The following MTHFD2L variants were observed in gnomAD, a reference collection of about 807,000 sequenced individuals.
MTHFD2L encodes the protein bifunctional methylenetetrahydrofolate dehydrogenase/cyclohydrolase 2, mitochondrial.
Under a neutral mutation model 34.9 loss-of-function variants are expected in MTHFD2L, and 29 were observed. The observed-to-expected ratio is 0.83, with a 90% CI of 0.62 to 1.13. The LOEUF is 1.13. MTHFD2L is among the 50% of genes most tolerant of loss of function. The pLI is 0.00. For missense variants in MTHFD2L, 481 were observed against 446.5 expected, an observed-to-expected ratio of 1.08 and a Z score of -0.70; for synonymous variants, 167 against 155.7, an observed-to-expected ratio of 1.07 and a Z score of -0.54.
chr4:74,143,165 C>T (rs747920758), intron 1 of MTHFD2L, among the ~76,000 whole-genome samples: 3 of 152,068 alleles, frequency 2.0e-5, no homozygotes, highest in Non-Finnish European at 2.9e-5. Context: ...AAACAAGCAT[C>T]AACAGGGGGT....
At chr4:74,206,519 G>A (rs1279395277) in intron 5 of MTHFD2L, among the ~76,000 whole-genome samples, 2 of 152,158 alleles carry the variant, frequency 1.3e-5, no homozygotes, top group African/African-American at 4.8e-5. Context: ...GTGAGAAAGG[G>A]AGAGATGTGG....
At chr4:74,121,904 G>A (rs1243153040), upstream of MTHFD2L, among the ~76,000 whole-genome samples, 1 of 152,026 alleles carries the variant, frequency 6.6e-6, no homozygotes, top group East Asian at 1.9e-4. Context: ...GACACAATGA[G>A]AAGGCAACTA....
chr4:74,149,608 C>T (rs73827550), intron 1 of MTHFD2L, among the ~76,000 whole-genome samples: 3,632 of 152,104 alleles, frequency 0.024, 135 homozygotes, highest in African/African-American at 0.081. Flanking sequence ...TAAATCAAAA[C>T]GATTAAACTA....
chr4:74,174,430 G>C, intron 1 of MTHFD2L, 76 bp from the exon 2 acceptor site: 1 of 1,154,592 alleles, frequency 8.7e-7, no homozygotes, highest in Non-Finnish European at 1.1e-6. Flanking sequence ...TGGTTTTATT[G>C]AGTTTTGTAC....
intron 6 of MTHFD2L, among the ~76,000 whole-genome samples, chr4:74,253,693 C>G (rs1305184453): frequency 2.0e-5 from 3 of 152,158 alleles, no homozygotes; most frequent in Admixed American, 6.5e-5. Context: ...GACCATAACC[C>G]AGGCTTGCTC....
chr4:74,241,504 C>T, intron 6 of MTHFD2L: 1 of 336,792 alleles, frequency 3.0e-6, no homozygotes, highest in Non-Finnish European at 6.0e-6. Context: ...AGTGATCCTC[C>T]CACCTCAGCC....
At chr4:74,132,530 T>C (rs1722606411) in intron 1 of MTHFD2L, among the ~76,000 whole-genome samples, 1 of 151,314 alleles carries the variant, frequency 6.6e-6, no homozygotes, top group African/African-American at 2.4e-5. Context: ...TAAGTGGGAG[T>C]TGAACAATGA....
intron 1 of MTHFD2L, chr4:74,161,705 A>G (rs1289729087): frequency 6.6e-6 from 1 of 152,214 alleles, no homozygotes; most frequent in Non-Finnish European, 1.5e-5. Context: ...GGTCTTACTA[A>G]TAATTTGGCA....
At chr4:74,300,425 A>C (rs898778726) in intron 7 of MTHFD2L, among the ~76,000 whole-genome samples, 1 of 152,058 alleles carries the variant, frequency 6.6e-6, no homozygotes, top group African/African-American at 2.4e-5. Context: ...TTGTGCAAAA[A>C]TAATACTAAA....
At chr4:74,260,195 A>G (rs762644849) in intron 6 of MTHFD2L, among the ~76,000 whole-genome samples, 3 of 152,236 alleles carry the variant, frequency 2.0e-5, no homozygotes, top group East Asian at 1.9e-4. Flanking sequence ...GGGCCACTCT[A>G]TGTCTGTTTT....
intron 6 of MTHFD2L, among the ~76,000 whole-genome samples, chr4:74,255,187 A>T (rs1429419887): frequency 6.6e-6 from 1 of 151,598 alleles, no homozygotes; most frequent in Non-Finnish European, 1.5e-5. Context: ...TATACAGTAT[A>T]AAAAAATGTA....
At chr4:74,277,367 G>A (rs56268783) in intron 6 of MTHFD2L, among the ~76,000 whole-genome samples, 2 of 152,074 alleles carry the variant, frequency 1.3e-5, no homozygotes, top group African/African-American at 2.4e-5. Context: ...TTCTAAGAGG[G>A]AGGAGGACAT....
rs566711195 is a variant in MTHFD2L, at chr4:74,277,686, T to C, written c.806-3739T>C. On this transcript the variant is annotated intron_variant, in intron 6 of 7. Coordinates refer to ENST00000325278, the MANE Select transcript of MTHFD2L (RefSeq NM_001144978.3). ...CTAAAAGATACTCCCTCCCTTTGTG[T>C]TTTTTCCTTTCTTCTCTCCAAAACC... is the stretch of plus-strand genomic sequence containing the variant. Among the ~76,000 whole-genome samples the C allele has an allele frequency of 3.9e-5, 6 of 152,252 alleles. No homozygotes were observed. In the East Asian group the frequency reaches 1.2e-3, roughly 29 times the overall value.
At chr4:74,147,822 C>G (rs144250992) in intron 1 of MTHFD2L, among the ~76,000 whole-genome samples, 1 of 152,004 alleles carries the variant, frequency 6.6e-6, no homozygotes, top group Non-Finnish European at 1.5e-5. Context: ...GGAAAAATGT[C>G]GATGTAAGTC....
At chr4:74,187,780 C>T (rs1269675318) in intron 3 of MTHFD2L, among the ~76,000 whole-genome samples, 1 of 137,730 alleles carries the variant, frequency 7.3e-6, no homozygotes, top group Non-Finnish European at 1.5e-5. Flanking sequence ...ACTGGTCCAG[C>T]CATTCTGTGC....
chr4:74,219,503 G>T (rs566353319), intron 5 of MTHFD2L, among the ~76,000 whole-genome samples: 2 of 152,088 alleles, frequency 1.3e-5, no homozygotes, highest in Non-Finnish European at 2.9e-5. Flanking sequence ...AAAATTAGGT[G>T]CAGCAAGCCA....
At chr4:74,191,054 C>T (rs1732385876) in intron 3 of MTHFD2L, among the ~76,000 whole-genome samples, 1 of 152,080 alleles carries the variant, frequency 6.6e-6, no homozygotes. Context: ...GTGCCGGCCA[C>T]CATGCCCATC....
At chr4:74,198,203 A>G (rs1000898691) in intron 3 of MTHFD2L, among the ~76,000 whole-genome samples, 2 of 152,174 alleles carry the variant, frequency 1.3e-5, no homozygotes, top group African/African-American at 4.8e-5. Context: ...AGATTTTCAG[A>G]TGCTTACATT....
intron 1 of MTHFD2L, among the ~76,000 whole-genome samples, chr4:74,129,149 G>A (rs1484111658): frequency 6.6e-6 from 1 of 151,890 alleles, no homozygotes. Context: ...TGACAACTTA[G>A]ATCACAAATG....
Sources: gnomAD v4.1 joint callset for allele counts (sites outside exome capture counted in the v4.1 genomes callset) on GRCh38, gnomAD v4.1.1 for gene constraint, MANE v1.5 for transcripts, NCBI Gene and HGNC (gene_info 2026-07-23, HGNC 2026-07-21) for gene names.